Variants in REC114 observed in about 807,000 individuals in gnomAD.
REC114 encodes REC114 meiotic recombination protein, also known as meiotic recombination protein REC114.
REC114 carries 27 observed loss-of-function variants against 31.3 expected under a neutral mutation model. That is an observed-to-expected ratio of 0.86 (90% CI 0.64 to 1.19). The LOEUF is 1.19. REC114 is among the 50% of genes most tolerant of loss of function. The probability of loss-of-function intolerance (pLI) is 0.00; values close to 1 mark genes in which losing one functional copy is unlikely to be tolerated. For missense variants in REC114, 344 were observed against 326.9 expected, an observed-to-expected ratio of 1.05 and a Z score of -0.40; for synonymous variants, 134 against 127.7, an observed-to-expected ratio of 1.05 and a Z score of -0.33.
chr15:73,527,344 T>C (rs1291045931), intron 2 of REC114, among the ~76,000 whole-genome samples: 1 of 152,224 alleles, frequency 6.6e-6, no homozygotes, highest in Non-Finnish European at 1.5e-5. Context: ...TGCAGGTTTC[T>C]AAAGCTCTTC....
At chr15:73,498,178 T>C (rs1386056051) in intron 2 of REC114, among the ~76,000 whole-genome samples, 2 of 152,060 alleles carry the variant, frequency 1.3e-5, no homozygotes, top group Non-Finnish European at 2.9e-5. Context: ...TTTCCGAGTT[T>C]GCTTTGTGAG....
At chr15:73,549,089 G>A (rs1219616244) in intron 3 of REC114, among the ~76,000 whole-genome samples, 2 of 152,060 alleles carry the variant, frequency 1.3e-5, no homozygotes, top group African/African-American at 4.8e-5. Flanking sequence ...ATACCTGGGT[G>A]ACGCAATAAT....
intron 2 of REC114, among the ~76,000 whole-genome samples, chr15:73,538,459 T>C (rs1017634972): frequency 2.0e-5 from 3 of 147,926 alleles, no homozygotes; most frequent in African/African-American, 7.4e-5. Context: ...CTATTTCTTT[T>C]TTTTTTTTTT....
chr15:73,455,504 T>C (rs1451809997), intron 1 of REC114, among the ~76,000 whole-genome samples: 2 of 152,082 alleles, frequency 1.3e-5, no homozygotes, highest in Non-Finnish European at 2.9e-5. Flanking sequence ...GAGACAAAAA[T>C]GTCAACTCAA....
At chr15:73,456,797 A>T (rs1892921242) in intron 1 of REC114, among the ~76,000 whole-genome samples, 1 of 152,166 alleles carries the variant, frequency 6.6e-6, no homozygotes, top group Non-Finnish European at 1.5e-5. Flanking sequence ...TTGTCTGTAA[A>T]ATCTGTGCTT....
chr15:73,543,923 A>G (rs1390386872), intron 3 of REC114, among the ~76,000 whole-genome samples: 1 of 143,252 alleles, frequency 7.0e-6, no homozygotes, highest in Non-Finnish European at 1.5e-5. Context: ...CATTAACTCC[A>G]TCTCTGTCTG....
At chr15:73,469,425 C>A (rs1893103819) in intron 1 of REC114, among the ~76,000 whole-genome samples, 1 of 151,630 alleles carries the variant, frequency 6.6e-6, no homozygotes, top group Admixed American at 6.6e-5. Context: ...TTATTTTTAT[C>A]TTTTTAGTGA....
chr15:73,485,489 C>T (rs1478162408), intron 2 of REC114, among the ~76,000 whole-genome samples: 2 of 152,094 alleles, frequency 1.3e-5, no homozygotes, highest in East Asian at 1.9e-4. Flanking sequence ...GTAGGTGGGG[C>T]GTGGTGGAAG....
intron 1 of REC114, among the ~76,000 whole-genome samples, chr15:73,444,967 CAAT>C (rs1892745897): frequency 6.6e-6 from 1 of 152,184 alleles, no homozygotes; most frequent in Non-Finnish European, 1.5e-5. Flanking sequence ...TGTCAATGAA[CAAT>C]AATATTTTGA....
chr15:73,525,653 T>A lies in REC114; in HGVS notation c.250-14832T>A, dbSNP rs546899536. On this transcript the variant is annotated intron_variant, in intron 2 of 5. Transcript: ENST00000331090. ...AGATTTTCCAGTTATCTTTATGTAA[T>A]TTTTTTCTAATTTAATTCTTTTATG... is the stretch of plus-strand genomic sequence containing the variant. Among the ~76,000 whole-genome samples the A allele has an allele frequency of 2.8e-4, 43 of 152,230 alleles. 2 individuals are homozygous for A. In the South Asian group the frequency reaches 6.8e-3, roughly 24 times the overall value.
rs779836611 is a variant in REC114, at chr15:73,556,008, TAAC to T, written c.547-289_547-287del. Among the ~76,000 whole-genome samples, 66 of 152,266 alleles carry T rather than the reference TAAC, an allele frequency of 4.3e-4. 1 individual carries two copies. Among genetic ancestry groups the T allele is most frequent in the Admixed American group, 2.7e-3 (41 of 15,304 alleles). On this transcript the variant is annotated intron_variant, in intron 4 of 5. Transcript: ENST00000331090. Reference sequence around the variant, plus strand: ...GGTCCTGAATCCTAGGCTGGGCCTCTAACAACAGAGGAATGCCCCAGTGTCTGA... The same window carrying T: ...GGTCCTGAATCCTAGGCTGGGCCTCTAACAGAGGAATGCCCCAGTGTCTGA...
intron 1 of REC114, among the ~76,000 whole-genome samples, chr15:73,462,997 A>G (rs1414973171): frequency 6.6e-6 from 1 of 151,970 alleles, no homozygotes; most frequent in Non-Finnish European, 1.5e-5. Context: ...ACATGATATC[A>G]TTTCATCAGT....
chr15:73,489,600 T>C (rs111550497), intron 2 of REC114, among the ~76,000 whole-genome samples: 4,121 of 152,016 alleles, frequency 0.027, 52 homozygotes, highest in African/African-American at 0.044. Context: ...AATTCTATTA[T>C]ATTATTATTA....
At chr15:73,556,091 G>A (rs1294836808) in intron 4 of REC114, among the ~76,000 whole-genome samples, 6 of 152,212 alleles carry the variant, frequency 3.9e-5, no homozygotes, top group Non-Finnish European at 8.8e-5. Flanking sequence ...ATAGAGGTCA[G>A]GAGCCGCAAA....
At chr15:73,482,860 A>G (rs925529984) in intron 2 of REC114, among the ~76,000 whole-genome samples, 9 of 152,044 alleles carry the variant, frequency 5.9e-5, no homozygotes, top group African/African-American at 2.2e-4. Context: ...ACTCATAAGT[A>G]GAATTGCTGG....
At chr15:73,482,243 G>T (rs1349520984) in intron 2 of REC114, among the ~76,000 whole-genome samples, 2 of 152,156 alleles carry the variant, frequency 1.3e-5, no homozygotes, top group African/African-American at 4.8e-5. Context: ...AGTGTTGAAG[G>T]TGGGGCCTGT....
At chr15:73,522,050 A>G (rs1893943280) in intron 2 of REC114, among the ~76,000 whole-genome samples, 1 of 152,154 alleles carries the variant, frequency 6.6e-6, no homozygotes, top group Non-Finnish European at 1.5e-5. Context: ...CATTGACAGG[A>G]AGTAGAAAAA....
intron 2 of REC114, among the ~76,000 whole-genome samples, chr15:73,537,493 C>A (rs908157244): frequency 6.8e-5 from 10 of 146,972 alleles, no homozygotes; most frequent in African/African-American, 2.4e-4. Flanking sequence ...GGTATCCCCC[C>A]CTGAATCAAC....
chr15:73,505,505 A>G (rs929707056), intron 2 of REC114, among the ~76,000 whole-genome samples: 1 of 150,534 alleles, frequency 6.6e-6, no homozygotes, highest in African/African-American at 2.4e-5. Flanking sequence ...GCCTTTTCTT[A>G]TCCAACATTC....
Sources: gnomAD v4.1 joint callset for allele counts (sites outside exome capture counted in the v4.1 genomes callset) on GRCh38, gnomAD v4.1.1 for gene constraint, MANE v1.5 for transcripts, NCBI Gene and HGNC (gene_info 2026-07-23, HGNC 2026-07-21) for gene names.